The following DCDC2C variants were observed in gnomAD, a reference collection of about 807,000 sequenced individuals.
DCDC2C encodes the protein doublecortin domain containing 2C.
In DCDC2C, 44 loss-of-function variants were observed where a neutral mutation model predicts 45.0. The observed-to-expected ratio is 0.98, with a 90% CI of 0.77 to 1.26. The LOEUF (loss-of-function observed/expected upper bound fraction) is 1.26, where lower values mean the gene tolerates loss of function less well. Among genes scored for constraint, DCDC2C ranks in the 50% most tolerant of loss-of-function variants. DCDC2C has a pLI of 0.00. For missense variants in DCDC2C, 447 were observed against 468.9 expected (o/e 0.95, Z 0.43); for synonymous variants, 187 against 178.8 (o/e 1.05, Z -0.37).
Position 3,727,027 on chromosome 2 carries a change from AT to A in DCDC2C, c.365del (p.Ile122LysfsTer17), listed in dbSNP as rs1256737055. The A allele has an allele frequency of 2.1e-5, 33 of 1,550,428 alleles. No homozygotes were observed. The highest frequency in any genetic ancestry group is 2.6e-5 in the Non-Finnish European group (30 of 1,146,970). On this transcript the variant is annotated frameshift_variant, in exon 3 of 11. Coordinates refer to ENST00000399143, the MANE Select transcript of DCDC2C (RefSeq NM_001287444.2). LOFTEE classifies it high-confidence loss of function. The part of the protein sequence containing the change: ...KEIKPVVHCD[I>X]NVPSKWQTYH... ...GATCAAACCAGTGGTGCATTGTGAT[AT>A]AAATGTGCCTTCCAAGTGGCAAACA...
intron 3 of DCDC2C, 118 bp from the exon 4 acceptor site, chr2:3,741,802 A>T: frequency 9.1e-7 from 1 of 1,096,910 alleles, no homozygotes; most frequent in Non-Finnish European, 1.3e-6. Flanking sequence ...GAAGTATTGG[A>T]GGCTGCTTAG....
At chr2:3,732,405 C>T (rs961084924) in intron 3 of DCDC2C, among the ~76,000 whole-genome samples, 1 of 151,560 alleles carries the variant, frequency 6.6e-6, no homozygotes, top group Non-Finnish European at 1.5e-5. Flanking sequence ...GCTTTCCAGT[C>T]GGAATCATAT....
intron 10 of DCDC2C, among the ~76,000 whole-genome samples, chr2:3,812,816 C>A (rs914828623): frequency 2.0e-5 from 3 of 152,004 alleles, no homozygotes; most frequent in Non-Finnish European, 4.4e-5. Context: ...TTCTTGATTT[C>A]TGTCTCAATT....
At chr2:3,725,436 A>G (rs564472278) in intron 2 of DCDC2C, among the ~76,000 whole-genome samples, 31 of 103,458 alleles carry the variant, frequency 3.0e-4, no homozygotes, top group Non-Finnish European at 4.8e-4. Context: ...TGGATCCCAG[A>G]GGAAGACGAG....
chr2:3,728,235 C>T (rs563871022), intron 3 of DCDC2C, among the ~76,000 whole-genome samples: 7 of 152,176 alleles, frequency 4.6e-5, no homozygotes, highest in East Asian at 1.9e-4. Flanking sequence ...GCCGAGAATT[C>T]GCCAAACTTG....
intron 9 of DCDC2C, among the ~76,000 whole-genome samples, chr2:3,783,570 G>C (rs1159791140): frequency 6.6e-6 from 1 of 152,248 alleles, no homozygotes; most frequent in Non-Finnish European, 1.5e-5. Flanking sequence ...TGAAGGAAGA[G>C]TCTCGACTTA....
intron 2 of DCDC2C, among the ~76,000 whole-genome samples, chr2:3,725,413 G>T (rs866600017): frequency 2.9e-5 from 3 of 102,032 alleles, no homozygotes; most frequent in African/African-American, 1.0e-4. Context: ...CAGAGAGTGA[G>T]GAGGCTGCCA....
intron 2 of DCDC2C, among the ~76,000 whole-genome samples, chr2:3,725,668 G>GCC (rs1668642648): frequency 3.4e-5 from 5 of 146,226 alleles, no homozygotes; most frequent in Non-Finnish European, 6.0e-5. Context: ...GAGATGAGCA[G>GCC]AGAGTGAGGA....
chr2:3,801,792 G>C (rs1188852045), intron 10 of DCDC2C, among the ~76,000 whole-genome samples: 2 of 152,236 alleles, frequency 1.3e-5, no homozygotes, highest in Admixed American at 1.3e-4. Flanking sequence ...ACCCAGCTCT[G>C]CTCAGTGCAT....
chr2:3,806,660 A>G (rs1671253931), intron 10 of DCDC2C, among the ~76,000 whole-genome samples: 1 of 151,478 alleles, frequency 6.6e-6, no homozygotes, highest in African/African-American at 2.4e-5. Context: ...CTCCTGCCTC[A>G]GCGTCCTGAG....
At chr2:3,769,261 T>C (rs1353033522) in intron 7 of DCDC2C, 50 bp from the exon 8 acceptor site, 7 of 1,517,082 alleles carry the variant, frequency 4.6e-6, no homozygotes, top group Non-Finnish European at 6.3e-6. Context: ...TGCAGTGGAC[T>C]CCAGCTTCTC....
Position 3,741,937 on chromosome 2 carries a change from G to A in DCDC2C, c.434G>A (p.Arg145Lys), listed in dbSNP as rs1397700113. The A allele has an allele frequency of 3.0e-5, 46 of 1,548,028 alleles. No homozygotes were observed. Among genetic ancestry groups the A allele is most frequent in the Non-Finnish European group, 3.9e-5 (45 of 1,145,824 alleles). Residue 145 changes from arginine to lysine, a missense_variant, in exon 4 of 11, where the codon AGA becomes AAA. By Grantham distance (26) the Arg-to-Lys change is conservative (BLOSUM62 2). Coordinates refer to ENST00000399143, the MANE Select transcript of DCDC2C (RefSeq NM_001287444.2). ...TCTTACAGTGTTTTTACAAATGGAAGATTATTTATTCCACCTGCAAAAATC... is the reference window on the plus strand; with the variant it reads ...TCTTACAGTGTTTTTACAAATGGAAAATTATTTATTCCACCTGCAAAAATC... ...SRHINVFTNGRLFIPPAKIII... is the reference protein window; with the variant it reads ...SRHINVFTNGKLFIPPAKIII...
At chr2:3,803,797 A>G (rs1047946451) in intron 10 of DCDC2C, among the ~76,000 whole-genome samples, 4 of 152,162 alleles carry the variant, frequency 2.6e-5, no homozygotes, top group African/African-American at 9.7e-5. Context: ...CTTCAAGTGC[A>G]CCACGTCCTC....
At chr2:3,829,284 CTTTTTTTT>C (rs5828893) in intron 10 of DCDC2C, among the ~76,000 whole-genome samples, 15 of 129,592 alleles carry the variant, frequency 1.2e-4, no homozygotes, top group African/African-American at 2.3e-4. Context: ...ATGTCTTTTT[CTTTTTTTT>C]TTTTTTTTGC....
chr2:3,808,803 T>A (rs1471207168), intron 10 of DCDC2C, among the ~76,000 whole-genome samples: 1 of 152,244 alleles, frequency 6.6e-6, no homozygotes, highest in Non-Finnish European at 1.5e-5. Flanking sequence ...GCCTTTTGTG[T>A]CCTTTCTAAA....
At chr2:3,722,786 T>A (rs1344856260) in intron 2 of DCDC2C, among the ~76,000 whole-genome samples, 1 of 152,236 alleles carries the variant, frequency 6.6e-6, no homozygotes, top group East Asian at 1.9e-4. Flanking sequence ...GGTTAATGAA[T>A]CATTAACACC....
rs1217555962 is a variant in DCDC2C, at chr2:3,761,268, T to G, written c.727-6486T>G. Among the ~76,000 whole-genome samples the G allele has an allele frequency of 6.6e-6, 1 of 152,246 alleles. No homozygotes were observed. The highest frequency in any genetic ancestry group is 1.5e-5 in the Non-Finnish European group (1 of 68,044). ...ATAGTTAATAAGCATTGTATTTATA[T>G]CACATCTGCAATCAGAACATTAATA... On this transcript the variant is annotated intron_variant, in intron 6 of 10. Transcript: ENST00000399143. The surrounding 1 kb of genome is among the most constrained non-coding windows in gnomAD (Gnocchi z 4.3).
In DCDC2C at chr2:3,813,732, C is replaced by CTTTT. The variant is rs3067128; in HGVS notation, c.1065+28646_1065+28649dup. Among the ~76,000 whole-genome samples the CTTTT allele has an allele frequency of 3.6e-3, 356 of 99,110 alleles. 10 individuals are homozygous for CTTTT. Among genetic ancestry groups the CTTTT allele is most frequent in the Middle Eastern group, 8.1e-3 (1 of 124 alleles). 65.0% of individuals were successfully genotyped at this position (99,110 alleles called of 152,430 possible). On this transcript the variant is annotated intron_variant, in intron 10 of 10. Coordinates refer to ENST00000399143, the MANE Select transcript of DCDC2C (RefSeq NM_001287444.2). The stretch of plus-strand genomic sequence containing the variant: ...TCAGAGACTAGGATTGCAACCCCTG[C>CTTTT]TTTTTTTTTTTTTTTTTGCTTCCCA...
In DCDC2C at chr2:3,818,274, C is replaced by T. The variant is rs1448425145; in HGVS notation, c.1066-28880C>T. 6.6e-6 allele frequency among the ~76,000 whole-genome samples: 1 copy of T among 152,106 alleles called. No homozygotes were observed. The highest frequency in any genetic ancestry group is 1.9e-4 in the East Asian group (1 of 5,190). Reference sequence around the variant, plus strand: ...TCCATGAAGCCTTGTGGCAGTACAGCCCAGGTAATTTGCTGAGCCTGATGG... The same window carrying T: ...TCCATGAAGCCTTGTGGCAGTACAGTCCAGGTAATTTGCTGAGCCTGATGG... On this transcript the variant is annotated intron_variant, in intron 10 of 10. Transcript: ENST00000399143. This position sits in a 1 kb window ranked among gnomAD's most constrained non-coding sequence, Gnocchi z 4.7.
Sources: gnomAD v4.1 joint callset for allele counts (sites outside exome capture counted in the v4.1 genomes callset) on GRCh38, gnomAD v4.1.1 for gene constraint, Gnocchi (gnomAD v3.1) non-coding constraint, MANE v1.5 for transcripts, NCBI Gene and HGNC (gene_info 2026-07-23, HGNC 2026-07-21) for gene names.